Variants in NELL1 observed in about 807,000 individuals in gnomAD.
NELL1 encodes the protein neural EGFL like 1.
NELL1 carries 76 observed loss-of-function variants against 107.4 expected under a neutral mutation model. The ratio of observed to expected loss-of-function variants is 0.71; its 90% CI spans 0.59 to 0.86. The LOEUF is 0.86. NELL1 is among the 40% of genes least tolerant of loss of function. NELL1 has a pLI of 0.00. For missense variants in NELL1, 1,024 were observed against 1,005.5 expected (o/e 1.02, Z -0.25); for synonymous variants, 353 against 341.2 (o/e 1.03, Z -0.38).
At chr11:21,387,099 G>A (rs974228770) in intron 15 of NELL1, among the ~76,000 whole-genome samples, 1 of 151,722 alleles carries the variant, frequency 6.6e-6, no homozygotes, top group African/African-American at 2.4e-5. Flanking sequence ...ACCTCAGGGC[G>A]TTTGCACCTA....
intron 15 of NELL1, among the ~76,000 whole-genome samples, chr11:21,448,542 A>G (rs1853501150): frequency 6.6e-6 from 1 of 152,200 alleles, no homozygotes; most frequent in African/African-American, 2.4e-5. Flanking sequence ...TGGTGTACAT[A>G]TATAATATTT....
intron 14 of NELL1, among the ~76,000 whole-genome samples, chr11:21,264,719 T>C (rs545838883): frequency 1.3e-5 from 2 of 151,892 alleles, no homozygotes; most frequent in South Asian, 4.1e-4. Context: ...ACTCAGTGTA[T>C]GGTTGCCTGA....
intron 11 of NELL1, among the ~76,000 whole-genome samples, chr11:20,953,586 A>C (rs959404892): frequency 7.2e-5 from 11 of 152,188 alleles, no homozygotes; most frequent in Non-Finnish European, 1.3e-4. Context: ...CTGGTCATTC[A>C]TGGCAACAGA....
chr11:21,368,845 A>G (rs367698926), intron 14 of NELL1, among the ~76,000 whole-genome samples: 2 of 152,204 alleles, frequency 1.3e-5, no homozygotes, highest in South Asian at 4.1e-4. Flanking sequence ...ATTTTATTTA[A>G]CAGGATATTT....
chr11:20,892,308 T>C (rs1358001523), intron 5 of NELL1, among the ~76,000 whole-genome samples: 1 of 152,186 alleles, frequency 6.6e-6, no homozygotes, highest in Non-Finnish European at 1.5e-5. Flanking sequence ...AGAAGTTCTT[T>C]GAAACCAATG....
At chr11:21,331,043 G>A (rs1945430) in intron 14 of NELL1, among the ~76,000 whole-genome samples, 94,201 of 151,882 alleles carry the variant, frequency 0.62, 29,952 homozygotes, top group Admixed American at 0.71. Context: ...GTTTCCTACT[G>A]CAGAATTTCC....
chr11:20,681,553 T>C (rs78095689), intron 2 of NELL1, among the ~76,000 whole-genome samples: 6,615 of 152,150 alleles, frequency 0.043, 512 homozygotes, highest in African/African-American at 0.15. Flanking sequence ...CAGCCTATTA[T>C]CCAATGCCGA....
chr11:20,940,267 CT>C (rs59910757), intron 10 of NELL1, among the ~76,000 whole-genome samples: 118,778 of 148,304 alleles, frequency 0.8, 48,300 homozygotes, highest in East Asian at 1. Context: ...CCTTGGGCTT[CT>C]TTTTTTTTTT....
At chr11:20,874,306 G>A (rs1849262493) in intron 4 of NELL1, among the ~76,000 whole-genome samples, 1 of 152,164 alleles carries the variant, frequency 6.6e-6, no homozygotes, top group South Asian at 2.1e-4. Context: ...GACCTCAGGT[G>A]ATCCACCCAC....
intron 3 of NELL1, among the ~76,000 whole-genome samples, chr11:20,795,115 T>A (rs1184065023): frequency 5.3e-5 from 8 of 152,220 alleles, no homozygotes. Context: ...AAGGCAGACA[T>A]CTCTCTCACC....
At chr11:20,765,158 TG>T in intron 2 of NELL1, among the ~76,000 whole-genome samples, 1 of 136,564 alleles carries the variant, frequency 7.3e-6, no homozygotes, top group South Asian at 2.4e-4. Context: ...ACCCTGTCTT[TG>T]TTAAAAAAAA....
intron 12 of NELL1, among the ~76,000 whole-genome samples, chr11:21,031,518 C>T (rs1269804360): frequency 6.6e-6 from 1 of 152,178 alleles, no homozygotes; most frequent in Admixed American, 6.6e-5. Context: ...GAAGGTGGTT[C>T]ACCACTCTGC....
intron 13 of NELL1, among the ~76,000 whole-genome samples, chr11:21,157,307 T>A (rs986619697): frequency 1.4e-4 from 21 of 152,270 alleles, no homozygotes; most frequent in Non-Finnish European, 2.6e-4. Context: ...ATCTCTACAG[T>A]ATTTCATTTT....
At chr11:21,220,123 C>T (rs11025967) in intron 13 of NELL1, among the ~76,000 whole-genome samples, 4 of 152,274 alleles carry the variant, frequency 2.6e-5, no homozygotes, top group South Asian at 2.1e-4. Flanking sequence ...GTTTACAATT[C>T]GACATGAGGT....
At chr11:20,924,515 C>T (rs747885477) in intron 7 of NELL1, among the ~76,000 whole-genome samples, 1 of 152,170 alleles carries the variant, frequency 6.6e-6, no homozygotes, top group Admixed American at 6.6e-5. Flanking sequence ...GAGCACAGCT[C>T]AGCTTTGTGG....
intron 10 of NELL1, among the ~76,000 whole-genome samples, chr11:20,938,606 G>A (rs1850777449): frequency 6.6e-6 from 1 of 152,124 alleles, no homozygotes; most frequent in East Asian, 1.9e-4. Context: ...TAAGGTGTGG[G>A]AGCCAGCCAT....
chr11:21,014,607 T>A (rs893340054), intron 12 of NELL1, among the ~76,000 whole-genome samples: 3 of 152,132 alleles, frequency 2.0e-5, no homozygotes, highest in Non-Finnish European at 4.4e-5. Flanking sequence ...TGTAATTATT[T>A]GCCTGCAAAT....
At chr11:20,937,606 T>G (rs1223910093) in intron 9 of NELL1, among the ~76,000 whole-genome samples, 180 bp from the exon 10 acceptor site, 3 of 152,274 alleles carry the variant, frequency 2.0e-5, no homozygotes, top group African/African-American at 7.2e-5. Flanking sequence ...TGATGAGGTC[T>G]GCCTGGGAGA....
At chr11:21,113,391 C>T (rs746450820) in intron 12 of NELL1, among the ~76,000 whole-genome samples, 198 bp from the exon 13 acceptor site, 22 of 151,998 alleles carry the variant, frequency 1.4e-4, no homozygotes, top group African/African-American at 4.8e-4. Flanking sequence ...CACCATGCAT[C>T]GTTCTGGAAA....
Sources: allele counts gnomAD v4.1 joint callset (sites outside exome capture counted in the v4.1 genomes callset), GRCh38; gene constraint gnomAD v4.1.1; transcripts MANE v1.5; gene names NCBI Gene and HGNC (gene_info 2026-07-23, HGNC 2026-07-21).